The following MYOM1 variants were observed in gnomAD, a reference collection of about 807,000 sequenced individuals.
MYOM1 encodes the protein myomesin-1.
MYOM1 carries 164 observed loss-of-function variants against 205.3 expected under a neutral mutation model. The ratio of observed to expected loss-of-function variants is 0.80; its 90% CI spans 0.70 to 0.91. The LOEUF (loss-of-function observed/expected upper bound fraction) is 0.91, where lower values mean the gene tolerates loss of function less well. MYOM1 is among the 40% of genes least tolerant of loss of function. The pLI, the probability that MYOM1 is intolerant of heterozygous loss-of-function variation, is 0.00. For synonymous variants in MYOM1, 772 were observed against 789.4 expected (o/e 0.98, Z 0.37); for missense variants, 2,011 against 2,127.3 (o/e 0.95, Z 1.08).
intron 2 of MYOM1, among the ~76,000 whole-genome samples, chr18:3,198,084 TC>T (rs5822744): frequency 0.17 from 26,033 of 151,670 alleles, 2,272 homozygotes; most frequent in East Asian, 0.22. Context: ...AAAAAAAAAC[TC>T]ATTAAACTGA....
rs968033558 is a variant in MYOM1, at chr18:3,179,051, T to C, written c.930-2917A>G. ...CTCAGCTAATTTTTTCTATTTTTTG[T>C]AGAGACAGGCTCTTGCTATGTTGCC... On this transcript the variant is annotated intron_variant, in intron 5 of 37. Coordinates refer to ENST00000356443, the MANE Select transcript of MYOM1 (RefSeq NM_003803.4). The surrounding 1 kb of genome is among the most constrained non-coding windows in gnomAD (Gnocchi z 4.4). Among the ~76,000 whole-genome samples the C allele has an allele frequency of 2.0e-5, 3 of 152,110 alleles. No individual in the cohort carries two copies. Among genetic ancestry groups the C allele is most frequent in the Non-Finnish European group, 4.4e-5 (3 of 68,026 alleles).
chr18:3,217,111 C>T (rs532337306), intron 1 of MYOM1: 1 of 152,604 alleles, frequency 6.6e-6, no homozygotes, highest in African/African-American at 2.4e-5. Context: ...CCAGCTGACA[C>T]CTTGATCTTG....
intron 33 of MYOM1, among the ~76,000 whole-genome samples, chr18:3,082,024 A>T (rs1040572975): frequency 6.6e-6 from 1 of 152,200 alleles, no homozygotes; most frequent in African/African-American, 2.4e-5. Context: ...ACTCAAGCAC[A>T]TAACATTTAT....
chr18:3,122,610 T>C (rs1387297118), intron 19 of MYOM1, among the ~76,000 whole-genome samples: 1 of 152,286 alleles, frequency 6.6e-6, no homozygotes, highest in Middle Eastern at 3.4e-3. Flanking sequence ...CTCAGAATAA[T>C]CTCACTCATG....
intron 6 of MYOM1, among the ~76,000 whole-genome samples, chr18:3,175,797 G>C (rs755070035): frequency 6.6e-6 from 1 of 152,136 alleles, no homozygotes; most frequent in Admixed American, 6.5e-5. Flanking sequence ...ATGCAAATTG[G>C]TTTTTTTCTC....
chr18:3,186,258 T>A lies in MYOM1; in HGVS notation c.929+1222A>T, dbSNP rs182691936. On this transcript the variant is annotated intron_variant, in intron 5 of 37. Transcript: ENST00000356443. ...AATTGGGTTTATCTTGTCAGCTACC[T>A]CCACAGTGCTAGGCAGGCATCTGAT... Among the ~76,000 whole-genome samples, 30 of 151,788 alleles carry A rather than the reference T, an allele frequency of 2.0e-4. No homozygotes were observed. The South Asian group carries it at 3.9e-3, about 20-fold the overall frequency.
rs2079936096 is a variant in MYOM1 at position 3,135,073 on chromosome 18, T to C, written c.2210-249A>G. The C allele has an allele frequency of 9.4e-6, 4 of 425,164 alleles. No individual in the cohort carries two copies. Among genetic ancestry groups the C allele is most frequent in the Non-Finnish European group, 1.7e-5 (4 of 231,782 alleles). 26.3% of individuals were successfully genotyped at this position (425,164 alleles called of 1,614,324 possible). On this transcript the variant is annotated intron_variant, in intron 15 of 37. Coordinates refer to ENST00000356443, the MANE Select transcript of MYOM1 (RefSeq NM_003803.4). The surrounding 1 kb of genome is among the most constrained non-coding windows in gnomAD (Gnocchi z 4.1). Reference sequence around the variant, plus strand: ...AGGCAATTTTCCCACCTCAGCCTCCTGAGTAGCTGGAATTACCAGGCATGT... The same window carrying C: ...AGGCAATTTTCCCACCTCAGCCTCCCGAGTAGCTGGAATTACCAGGCATGT...
intron 33 of MYOM1, among the ~76,000 whole-genome samples, chr18:3,082,796 TGAA>T (rs2079099455): frequency 6.6e-6 from 1 of 152,174 alleles, no homozygotes; most frequent in African/African-American, 2.4e-5. Flanking sequence ...GAAGTGAACT[TGAA>T]TAGAGTCCCT....
rs55830599 is a variant in MYOM1, at chr18:3,143,900, C to CAAAA, written c.1901-1841_1901-1838dup. On this transcript the variant is annotated intron_variant, in intron 13 of 37. Coordinates refer to ENST00000356443, the MANE Select transcript of MYOM1 (RefSeq NM_003803.4). ...TGGGCAACAGAGTGAGACCCTGTCT[C>CAAAA]AAAAAAAAAAAAAAAAAAAAAAAAG... Among the ~76,000 whole-genome samples, 78 of 49,352 alleles carry CAAAA rather than the reference C, an allele frequency of 1.6e-3. 1 individual carries two copies. Among genetic ancestry groups the CAAAA allele is most frequent in the Non-Finnish European group, 2.3e-3 (65 of 28,352 alleles). The allele number at this position is 49,352 out of a possible 152,430, so 32.4% of individuals were successfully genotyped here.
intron 18 of MYOM1, among the ~76,000 whole-genome samples, chr18:3,127,301 ATATATTTTTTT>A (rs1271603619): frequency 6.1e-4 from 29 of 47,908 alleles, no homozygotes; most frequent in African/African-American, 3.0e-3. Flanking sequence ...ATATATATAT[ATATATTTTTTT>A]TTTTTTTTTT....
chr18:3,067,476 G>C lies in MYOM1; in HGVS notation c.4844C>G (p.Ser1615Ter). The C allele has an allele frequency of 6.2e-7, 1 of 1,613,834 alleles. No individual in the cohort carries two copies. Among genetic ancestry groups the C allele is most frequent in the Admixed American group, 1.7e-5 (1 of 60,026 alleles). ...GAACTTGAGGTTGCAGTGGTCGTCT[G>C]AGGCCAGGGCCTTCTCGTTCTTCAA... ...SWLKNEKALA[S>*]DDHCNLKFEA... is the part of the protein sequence containing the mutation. Residue 1615 changes from serine to a stop codon, truncating the protein, a stop_gained, in exon 38 of 38, where the codon TCA becomes TGA. Coordinates refer to ENST00000356443, the MANE Select transcript of MYOM1 (RefSeq NM_003803.4). LOFTEE classifies it low-confidence loss of function (END_TRUNC).
chr18:3,226,248 A>T, the MYOM1 span, among the ~76,000 whole-genome samples: 1 of 152,162 alleles, frequency 6.6e-6, no homozygotes, highest in Non-Finnish European at 1.5e-5. The surrounding 1 kb of genome is among the most constrained non-coding windows in gnomAD (Gnocchi z 4.6). Flanking sequence ...AGGCACTGGG[A>T]TTGAGGACAG....
chr18:3,187,483 G>A lies in MYOM1; in HGVS notation c.926C>T (p.Thr309Met), dbSNP rs770979226. The A allele has an allele frequency of 2.7e-5, 44 of 1,612,972 alleles. No individual in the cohort carries two copies. Among genetic ancestry groups the A allele is most frequent in the Middle Eastern group, 1.6e-4 (1 of 6,078 alleles). The change falls in exon 5 of 38, where the codon ACG becomes ATG. Residue 309 changes from threonine to methionine, a missense_variant. Physicochemically the swap from Thr to Met is moderately conservative, Grantham distance 81. Coordinates refer to ENST00000356443, the MANE Select transcript of MYOM1 (RefSeq NM_003803.4). ...SIAGWPEPRV[T>M]WYKNQVPINV... ...AGCTTTCATAAAGATAACATACCAC[G>A]TGACACGAGGTTCTGGCCAGCCTGC...
rs577046736 is a variant in MYOM1, at chr18:3,165,992, C to T, written c.1340-1553G>A. ...TGGTGCTCACACTGCCTACTACCCA[C>T]TGCCCACTGTGCCCAGGAGCCTGCA... On this transcript the variant is annotated intron_variant, in intron 9 of 37. Transcript: ENST00000356443. Among the ~76,000 whole-genome samples the T allele has an allele frequency of 1.6e-3, 239 of 152,360 alleles. 1 individual carries two copies. Among genetic ancestry groups the T allele is most frequent in the African/African-American group, 5.6e-3 (231 of 41,590 alleles).
rs200780735 is a variant in MYOM1, at chr18:3,126,786, T to C, written c.2906A>G (p.Tyr969Cys). Residue 969 changes from tyrosine (Y) to cysteine (C), a missense_variant, in exon 19 of 38, where the codon TAT (tyrosine) becomes TGT (cysteine). By Grantham distance (194) the Tyr-to-Cys change is radical. Coordinates refer to ENST00000356443, the MANE Select transcript of MYOM1 (RefSeq NM_003803.4). ...ATCAATGACCTCGCGATAGTTCACA[T>C]AATAGCCAGTAATTTCTGCCCCTCC... ...KIGGAEITGY[Y>C]VNYREVIDGV... The C allele has an allele frequency of 1.1e-4, 180 of 1,613,828 alleles. No homozygotes were observed. Among genetic ancestry groups the C allele is most frequent in the Admixed American group, 2.3e-4 (14 of 60,000 alleles).
intron 37 of MYOM1, 98 bp downstream of exon 37, chr18:3,071,735 TG>T: frequency 8.8e-7 from 1 of 1,130,040 alleles, no homozygotes; most frequent in Non-Finnish European, 1.3e-6. Flanking sequence ...ATGAAGGTGG[TG>T]GGCTGTTAAG....
chr18:3,094,382 A>T, intron 25 of MYOM1, 76 bp from the exon 26 acceptor site: 1 of 1,150,032 alleles, frequency 8.7e-7, no homozygotes, highest in East Asian at 2.9e-5. Context: ...ATCAAGTGAA[A>T]AAAAAAAAAA....
intron 8 of MYOM1, among the ~76,000 whole-genome samples, chr18:3,169,879 G>T (rs1472278274): frequency 1.3e-5 from 2 of 152,158 alleles, no homozygotes; most frequent in Admixed American, 1.3e-4. Context: ...AATAGGCCAG[G>T]ATGTGAAATT....
At chr18:3,218,476 G>A (rs367835896) in intron 1 of MYOM1, among the ~76,000 whole-genome samples, 1 of 151,970 alleles carries the variant, frequency 6.6e-6, no homozygotes, top group African/African-American at 2.4e-5. Flanking sequence ...CAGTCTACAG[G>A]GCATTTCCTA....
Sources: allele counts gnomAD v4.1 joint callset (sites outside exome capture counted in the v4.1 genomes callset), GRCh38; gene constraint gnomAD v4.1.1; non-coding constraint Gnocchi (gnomAD v3.1); transcripts MANE v1.5; gene names NCBI Gene and HGNC (gene_info 2026-07-23, HGNC 2026-07-21).